The following CFAP20DC variants were observed in gnomAD, a reference collection of about 807,000 sequenced individuals.
CFAP20DC encodes the protein CFAP20 domain containing, also known as protein CFAP20DC.
In CFAP20DC, 84 loss-of-function variants were observed where a neutral mutation model predicts 101.7. That is an observed-to-expected ratio of 0.83 (90% CI 0.69 to 0.99). The LOEUF (loss-of-function observed/expected upper bound fraction) is 0.99, where lower values mean the gene tolerates loss of function less well. CFAP20DC is among the 50% of genes least tolerant of loss of function. CFAP20DC has a pLI of 0.00. For missense variants in CFAP20DC, 1,007 were observed against 970.3 expected (o/e 1.04, Z -0.50); for synonymous variants, 359 against 351.2 (o/e 1.02, Z -0.25).
chr3:58,776,603 A>G lies in CFAP20DC; in HGVS notation c.2238-22740T>C, dbSNP rs1301451530. 2.0e-5 allele frequency among the ~76,000 whole-genome samples: 3 copies of G among 150,784 alleles called. No homozygotes were observed. The East Asian group carries it at 5.8e-4, about 29-fold the overall frequency. On this transcript the variant is annotated intron_variant, in intron 15 of 16. Transcript: ENST00000482387. The stretch of plus-strand genomic sequence containing the variant: ...CTTTGTTGAAGATAATATATAAGCT[A>G]GAATTCAAAGCCACTTCTTTGAGAA...
At chr3:58,891,836 G>A (rs761373819) in intron 6 of CFAP20DC, among the ~76,000 whole-genome samples, 5 of 152,240 alleles carry the variant, frequency 3.3e-5, no homozygotes, top group South Asian at 2.1e-4. Flanking sequence ...ATTTTGAAAC[G>A]CTTTTGTTGC....
intron 7 of CFAP20DC, among the ~76,000 whole-genome samples, chr3:58,879,761 T>C (rs1402086756): frequency 6.6e-6 from 1 of 151,988 alleles, no homozygotes; most frequent in African/African-American, 2.4e-5. Flanking sequence ...AGGGCATTGA[T>C]TATTAGAGCC....
chr3:58,776,362 G>T (rs1234933979), intron 15 of CFAP20DC, among the ~76,000 whole-genome samples: 1 of 152,076 alleles, frequency 6.6e-6, no homozygotes, highest in Admixed American at 6.6e-5. Flanking sequence ...AAGATAAAAG[G>T]TATCTTGGTC....
At chr3:58,816,547 C>T (rs527838886) in intron 14 of CFAP20DC, among the ~76,000 whole-genome samples, 2 of 152,250 alleles carry the variant, frequency 1.3e-5, no homozygotes, top group Non-Finnish European at 2.9e-5. Flanking sequence ...TCTGGAAAAT[C>T]GGGTGACTCC....
chr3:58,978,799 C>T (rs544949461), intron 4 of CFAP20DC, among the ~76,000 whole-genome samples: 4 of 151,832 alleles, frequency 2.6e-5, no homozygotes, highest in Admixed American at 6.6e-5. Context: ...GGGCTTCCTA[C>T]CATTTCTAAT....
chr3:58,931,544 T>G (rs561394830), intron 5 of CFAP20DC, among the ~76,000 whole-genome samples: 3 of 151,796 alleles, frequency 2.0e-5, no homozygotes, highest in Non-Finnish European at 4.4e-5. Context: ...AGACTGACAC[T>G]TCACACGGGC....
chr3:58,910,813 G>A (rs955221777), intron 6 of CFAP20DC, among the ~76,000 whole-genome samples: 14 of 151,632 alleles, frequency 9.2e-5, no homozygotes, highest in Non-Finnish European at 4.4e-5. Flanking sequence ...ATCTTCAGAG[G>A]AAGAAAACAC....
rs2067581548 is a variant in CFAP20DC, at chr3:58,728,068, A to G, written c.198-10440T>C. Reference sequence around the variant, plus strand: ...AGGTGGCAGAATGCAGTTAGAGTGCATAGAAAGCTGCAATCTTTGTGGACA... The same window carrying G: ...AGGTGGCAGAATGCAGTTAGAGTGCGTAGAAAGCTGCAATCTTTGTGGACA... On this transcript the variant is annotated intron_variant, in intron 3 of 3. Transcript: ENST00000486145. This position sits in a 1 kb window ranked among gnomAD's most constrained non-coding sequence, Gnocchi z 4.7. 1 of 152,258 alleles carries G rather than the reference A, an allele frequency of 6.6e-6. No individual in the cohort carries two copies. The allele number at this position is 152,258 out of a possible 1,614,324, so 9.4% of individuals were successfully genotyped here. A position where few individuals can be genotyped will look rare whatever the true frequency, so the allele number is the denominator to read the frequency against.
intron 15 of CFAP20DC, among the ~76,000 whole-genome samples, chr3:58,763,703 C>T (rs575820911): frequency 6.6e-6 from 1 of 152,306 alleles, no homozygotes; most frequent in South Asian, 2.1e-4. Flanking sequence ...TGGTGATGTA[C>T]AGATGAGGTT....
chr3:58,915,428 C>T (rs547665998), intron 5 of CFAP20DC, among the ~76,000 whole-genome samples: 16 of 152,146 alleles, frequency 1.1e-4, no homozygotes, highest in African/African-American at 3.1e-4. Flanking sequence ...GTTGTATAAA[C>T]GTGGTTCCTA....
chr3:58,915,088 A>C (rs183413436), intron 5 of CFAP20DC, among the ~76,000 whole-genome samples: 14 of 152,298 alleles, frequency 9.2e-5, no homozygotes, highest in Admixed American at 9.2e-4. Flanking sequence ...AAGAATGTGC[A>C]AAAGCAGAGT....
At chr3:58,980,983 A>C (rs1447409265) in intron 4 of CFAP20DC, among the ~76,000 whole-genome samples, 1 of 152,170 alleles carries the variant, frequency 6.6e-6, no homozygotes, top group Non-Finnish European at 1.5e-5. Flanking sequence ...AAATCTCCTT[A>C]AGCTGATAAG....
intron 4 of CFAP20DC, among the ~76,000 whole-genome samples, chr3:58,981,447 C>T (rs2092540866): frequency 6.6e-6 from 1 of 152,190 alleles, no homozygotes; most frequent in South Asian, 2.1e-4. Flanking sequence ...CACTACCTGA[C>T]TTCAAACTAT....
At chr3:58,723,660 TC>T (rs1476338125) in intron 3 of CFAP20DC, among the ~76,000 whole-genome samples, 1 of 152,348 alleles carries the variant, frequency 6.6e-6, no homozygotes, top group Middle Eastern at 3.4e-3. Flanking sequence ...AGGTCTCTGC[TC>T]CTCATTAGCT....
intron 12 of CFAP20DC, among the ~76,000 whole-genome samples, chr3:58,860,444 C>T (rs188665619): frequency 1.3e-5 from 2 of 152,234 alleles, no homozygotes; most frequent in East Asian, 3.9e-4. Context: ...ATACAAAAGC[C>T]TTCCGGCTAA....
chr3:59,040,474 G>A (rs1699267047), intron 3 of CFAP20DC, among the ~76,000 whole-genome samples: 1 of 152,062 alleles, frequency 6.6e-6, no homozygotes, highest in South Asian at 2.1e-4. Flanking sequence ...CCTAAAACAT[G>A]CAATTTACAA....
intron 15 of CFAP20DC, among the ~76,000 whole-genome samples, chr3:58,787,529 A>G (rs1256075402): frequency 2.6e-5 from 4 of 152,128 alleles, no homozygotes; most frequent in Non-Finnish European, 4.4e-5. Flanking sequence ...CAAACAAACA[A>G]AAAACTCCAA....
chr3:59,022,022 A>G (rs2093812241), intron 4 of CFAP20DC, among the ~76,000 whole-genome samples: 1 of 152,142 alleles, frequency 6.6e-6, no homozygotes, highest in Non-Finnish European at 1.5e-5. Context: ...GACCCAAGCA[A>G]AGAATCTGAC....
At chr3:58,958,806 T>A (rs1316022244) in intron 4 of CFAP20DC, among the ~76,000 whole-genome samples, 1 of 152,206 alleles carries the variant, frequency 6.6e-6, no homozygotes, top group Admixed American at 6.5e-5. Flanking sequence ...CTGGATGATA[T>A]ATTTTCATAT....
Sources: allele counts gnomAD v4.1 joint callset (sites outside exome capture counted in the v4.1 genomes callset), GRCh38; gene constraint gnomAD v4.1.1; non-coding constraint Gnocchi (gnomAD v3.1); transcripts MANE v1.5; gene names NCBI Gene and HGNC (gene_info 2026-07-23, HGNC 2026-07-21).